The following PCLO variants were observed in gnomAD, a reference collection of about 807,000 sequenced individuals.
PCLO encodes the protein piccolo presynaptic cytomatrix protein.
PCLO carries 82 observed loss-of-function variants against 427.5 expected under a neutral mutation model. The observed-to-expected ratio is 0.19, with a 90% CI of 0.16 to 0.23. The LOEUF is 0.23. Ranked by LOEUF, PCLO falls within the 10% of genes least tolerant of loss-of-function variation. PCLO has a pLI of 1.00. For missense variants in PCLO, 6,239 were observed against 6,115.9 expected, an observed-to-expected ratio of 1.02 and a Z score of -0.67; for synonymous variants, 2,357 against 2,155.4, an observed-to-expected ratio of 1.09 and a Z score of -2.59.
intron 10 of PCLO, among the ~76,000 whole-genome samples, chr7:82,848,698 A>G (rs1052322671): frequency 2.6e-5 from 4 of 152,174 alleles, no homozygotes; most frequent in Non-Finnish European, 4.4e-5. Flanking sequence ...AATTCTAAAC[A>G]TGGCATGATT....
At chr7:83,011,255 C>T (rs1223708974) in intron 3 of PCLO, among the ~76,000 whole-genome samples, 2 of 151,876 alleles carry the variant, frequency 1.3e-5, no homozygotes, top group Admixed American at 1.3e-4. Context: ...TAAAAATTAA[C>T]AAAATATATA....
rs569600349 is a variant in PCLO at position 83,080,785 on chromosome 7, C to T, written c.3300+53465G>A. Among the ~76,000 whole-genome samples the T allele has an allele frequency of 1.1e-3, 166 of 152,108 alleles. 1 individual carries two copies. The highest frequency in any genetic ancestry group is 3.8e-3 in the African/African-American group (156 of 41,522). On this transcript the variant is annotated intron_variant, in intron 3 of 24. Transcript: ENST00000333891. Reference sequence around the variant, plus strand: ...GGTTCCCCCTTATCTGTGGGGGGTACTTTCAAGACTCCCAGTGGATGCCTG... The same window carrying T: ...GGTTCCCCCTTATCTGTGGGGGGTATTTTCAAGACTCCCAGTGGATGCCTG...
chr7:83,047,174 C>A (rs7784702), intron 3 of PCLO, among the ~76,000 whole-genome samples: 120,381 of 151,896 alleles, frequency 0.79, 48,641 homozygotes, highest in African/African-American at 0.95. Flanking sequence ...TTGACAGATA[C>A]CACCACCACT....
chr7:83,002,032 T>C (rs1787836680), intron 3 of PCLO, among the ~76,000 whole-genome samples: 1 of 152,022 alleles, frequency 6.6e-6, no homozygotes, highest in African/African-American at 2.4e-5. Context: ...TAGCTATAGA[T>C]TTCTTTTTAA....
chr7:82,869,700 C>A (rs1048779269), intron 10 of PCLO, among the ~76,000 whole-genome samples: 6 of 151,912 alleles, frequency 3.9e-5, no homozygotes, highest in Admixed American at 3.9e-4. Context: ...TAATATATGA[C>A]AGATGGGACT....
chr7:83,008,146 T>C (rs564635046), intron 3 of PCLO, among the ~76,000 whole-genome samples: 1 of 151,734 alleles, frequency 6.6e-6, no homozygotes, highest in Admixed American at 6.6e-5. Flanking sequence ...ATGACCAAAC[T>C]ATGTTTATTA....
chr7:83,030,325 G>T (rs560538782), intron 3 of PCLO, among the ~76,000 whole-genome samples: 1 of 152,126 alleles, frequency 6.6e-6, no homozygotes, highest in East Asian at 1.9e-4. Flanking sequence ...ATATCCCTTC[G>T]ATCTGGAACT....
intron 1 of PCLO, among the ~76,000 whole-genome samples, chr7:83,159,045 A>G (rs867451534): frequency 1.3e-5 from 2 of 152,112 alleles, no homozygotes; most frequent in Non-Finnish European, 1.5e-5. Flanking sequence ...GAGAAAGGAT[A>G]TATTTCACTT....
Position 83,154,908 on chromosome 7 carries a change from T to C in PCLO, c.1733A>G (p.Gln578Arg). ...QPPTVSPSAKQPPSQGLPKTI... is the reference protein window; with the variant it reads ...QPPTVSPSAKRPPSQGLPKTI... ...TTTAGGGAGGCCTTGTGAAGGAGGC[T>C]GTTTTGCAGATGGAGACACTGTTGG... The change falls in exon 2 of 25, where the codon CAG becomes CGG. Residue 578 changes from glutamine to arginine, a missense_variant. Physicochemically the swap from Gln to Arg is conservative, Grantham distance 43 (BLOSUM62 1). Transcript: ENST00000333891. The C allele has an allele frequency of 6.2e-7, 1 of 1,614,038 alleles. No individual in the cohort carries two copies. The highest frequency in any genetic ancestry group is 8.5e-7 in the Non-Finnish European group (1 of 1,179,902).
intron 9 of PCLO, among the ~76,000 whole-genome samples, chr7:82,899,302 G>T (rs1438248630): frequency 6.6e-6 from 1 of 151,354 alleles, no homozygotes; most frequent in East Asian, 1.9e-4. Flanking sequence ...ACAGAGACTA[G>T]CCAGGAGTGT....
chr7:83,096,038 GT>G (rs1268193615), intron 3 of PCLO, among the ~76,000 whole-genome samples: 2 of 124,858 alleles, frequency 1.6e-5, no homozygotes, highest in African/African-American at 3.0e-5. Flanking sequence ...AGATATATTT[GT>G]TTTTGAAAAT....
intron 4 of PCLO, among the ~76,000 whole-genome samples, chr7:82,965,480 A>T (rs1165919207): frequency 1.3e-5 from 2 of 152,062 alleles, no homozygotes; most frequent in African/African-American, 4.8e-5. Context: ...AGAGAAAATA[A>T]ATAAAACTAG....
chr7:83,133,502 G>A lies in PCLO; in HGVS notation c.3300+748C>T, dbSNP rs113464144. On this transcript the variant is annotated intron_variant, in intron 3 of 24. Coordinates refer to ENST00000333891, the MANE Select transcript of PCLO (RefSeq NM_033026.6). The stretch of plus-strand genomic sequence containing the variant: ...TTTATAACTATATTAGAAATTCGTC[G>A]TCTGCTTTTTAGTCATTTACATTGC... 9.1e-3 allele frequency among the ~76,000 whole-genome samples: 1,386 copies of A among 151,914 alleles called. 20 individuals carry two copies. Among genetic ancestry groups the A allele is most frequent in the Non-Finnish European group, 1.0e-2 (676 of 67,860 alleles).
At chr7:82,890,728 T>C (rs1302074078) in intron 9 of PCLO, among the ~76,000 whole-genome samples, 1 of 152,000 alleles carries the variant, frequency 6.6e-6, no homozygotes, top group African/African-American at 2.4e-5. Context: ...ATCCTTACCA[T>C]GCTTCATCTA....
chr7:82,830,831 A>C (rs2115708408), intron 16 of PCLO, among the ~76,000 whole-genome samples: 2 of 152,174 alleles, frequency 1.3e-5, no homozygotes, highest in Middle Eastern at 6.8e-3. Flanking sequence ...GGGATTTATC[A>C]GTCACTATCT....
At chr7:83,089,789 TACTA>T (rs1431427064) in intron 3 of PCLO, among the ~76,000 whole-genome samples, 1 of 152,148 alleles carries the variant, frequency 6.6e-6, no homozygotes, top group Non-Finnish European at 1.5e-5. Context: ...GGTTCCAGGG[TACTA>T]CATCATGTCT....
chr7:82,977,522 C>T (rs1267372055), intron 3 of PCLO, among the ~76,000 whole-genome samples: 5 of 151,824 alleles, frequency 3.3e-5, no homozygotes, highest in Admixed American at 2.6e-4. Context: ...AAGCGATTCT[C>T]CTGCCTCAGC....
At chr7:82,884,559 T>G (rs886987326) in intron 9 of PCLO, among the ~76,000 whole-genome samples, 16 of 152,188 alleles carry the variant, frequency 1.1e-4, no homozygotes, top group African/African-American at 3.4e-4. Context: ...TTAGCTTATA[T>G]AAGACAATTG....
intron 22 of PCLO, among the ~76,000 whole-genome samples, chr7:82,788,023 A>T (rs1791019121): frequency 6.6e-6 from 1 of 151,934 alleles, no homozygotes; most frequent in South Asian, 2.1e-4. Context: ...CAACTAAAAT[A>T]GAAGTCAAAT....
Sources: allele counts gnomAD v4.1 joint callset (sites outside exome capture counted in the v4.1 genomes callset), GRCh38; gene constraint gnomAD v4.1.1; transcripts MANE v1.5; gene names NCBI Gene and HGNC (gene_info 2026-07-23, HGNC 2026-07-21).